PALM2AKAP2: variants seen among roughly 807,000 people sequenced by gnomAD.
PALM2AKAP2 encodes PALM2 and AKAP2 fusion.
Under a neutral mutation model 71.5 loss-of-function variants are expected in PALM2AKAP2, and 37 were observed. That is an observed-to-expected ratio of 0.52 (90% confidence interval 0.40 to 0.68). The LOEUF (loss-of-function observed/expected upper bound fraction) is 0.68. Among genes scored for constraint, PALM2AKAP2 ranks in the 30% least tolerant of loss-of-function variants. The pLI, the probability that PALM2AKAP2 is intolerant of heterozygous loss-of-function variation, is 0.00. For missense variants in PALM2AKAP2, 1,224 were observed against 1,191.8 expected (o/e 1.03, Z -0.40); for synonymous variants, 468 against 478.8 (o/e 0.98, Z 0.29).
chr9:110,035,857 TTG>T lies in PALM2AKAP2; in HGVS notation c.582+19824_582+19825del, dbSNP rs571682281. Among the ~76,000 whole-genome samples the T allele has an allele frequency of 3.1e-3, 430 of 139,530 alleles. 4 individuals carry two copies. Among genetic ancestry groups the T allele is most frequent in the African/African-American group, 0.01 (408 of 39,610 alleles). The allele number at this position is 139,530 out of a possible 152,430, so 91.5% of individuals were successfully genotyped here. A position where few individuals can be genotyped will look rare whatever the true frequency, so the allele number is the denominator to read the frequency against. ...TGTTATATATAATATATATGATATG[TTG>T]TGTGTTATATATAACATATATGATA... On this transcript the variant is annotated intron_variant, in intron 7 of 9. Transcript: ENST00000302798.
chr9:109,664,051 C>T (rs1286471942), intron 1 of PALM2AKAP2, among the ~76,000 whole-genome samples: 1 of 152,136 alleles, frequency 6.6e-6, no homozygotes, highest in Non-Finnish European at 1.5e-5. Context: ...GTAGATCTTC[C>T]TCCATCCGTT....
chr9:110,013,200 C>G (rs538540249), intron 6 of PALM2AKAP2, among the ~76,000 whole-genome samples: 7 of 152,186 alleles, frequency 4.6e-5, no homozygotes, highest in Non-Finnish European at 1.0e-4. Flanking sequence ...CAAGCCTCAC[C>G]TCTTAAGCCC....
intron 1 of PALM2AKAP2, among the ~76,000 whole-genome samples, chr9:109,819,066 T>A (rs1827922061): frequency 6.6e-6 from 1 of 152,202 alleles, no homozygotes; most frequent in Non-Finnish European, 1.5e-5. Context: ...GCTTTAGAAG[T>A]GAGAGGCGAA....
At chr9:109,924,370 G>A (rs1470445442) in intron 4 of PALM2AKAP2, among the ~76,000 whole-genome samples, 2 of 152,130 alleles carry the variant, frequency 1.3e-5, no homozygotes, top group Admixed American at 6.5e-5. Context: ...AGGCCGGGGC[G>A]GGTGGATCAC....
chr9:109,901,961 T>G (rs1217532924), intron 3 of PALM2AKAP2, among the ~76,000 whole-genome samples: 2 of 152,220 alleles, frequency 1.3e-5, no homozygotes, highest in East Asian at 3.8e-4. Context: ...CTGCATCCGC[T>G]GTCTCCTTTT....
intron 6 of PALM2AKAP2, among the ~76,000 whole-genome samples, chr9:110,012,257 C>T (rs1219191975): frequency 6.6e-6 from 1 of 152,042 alleles, no homozygotes; most frequent in Non-Finnish European, 1.5e-5. Context: ...AGTGCCACTG[C>T]ACTCCAGCCT....
chr9:109,752,080 C>G (rs1349509744), intron 1 of PALM2AKAP2, among the ~76,000 whole-genome samples: 2 of 152,050 alleles, frequency 1.3e-5, no homozygotes, highest in Non-Finnish European at 2.9e-5. Flanking sequence ...TGAGCACCTA[C>G]TATGTATTGC....
At chr9:109,965,324 G>A (rs1183072729) in intron 6 of PALM2AKAP2, among the ~76,000 whole-genome samples, 3 of 152,104 alleles carry the variant, frequency 2.0e-5, no homozygotes, top group East Asian at 1.9e-4. Flanking sequence ...GCCAAAAGAC[G>A]GAAAAAACCC....
chr9:109,712,829 A>G (rs886972111), intron 1 of PALM2AKAP2, among the ~76,000 whole-genome samples: 6 of 152,336 alleles, frequency 3.9e-5, no homozygotes, highest in African/African-American at 1.4e-4. Context: ...AAAGCTCACT[A>G]CTTCCCCAAG....
chr9:110,058,280 T>G (rs1286129326), intron 1 of PALM2AKAP2, among the ~76,000 whole-genome samples: 1 of 152,100 alleles, frequency 6.6e-6, no homozygotes, highest in Non-Finnish European at 1.5e-5. Flanking sequence ...AAAAAGAGCT[T>G]AAACTGAAGC....
At chr9:109,709,983 A>G (rs1054661461) in intron 1 of PALM2AKAP2, among the ~76,000 whole-genome samples, 1 of 152,202 alleles carries the variant, frequency 6.6e-6, no homozygotes, top group African/African-American at 2.4e-5. Context: ...TGGGCCCTAA[A>G]TCCAATGACA....
chr9:109,686,814 C>T (rs533499530), intron 1 of PALM2AKAP2, among the ~76,000 whole-genome samples: 17 of 151,252 alleles, frequency 1.1e-4, no homozygotes, highest in Non-Finnish European at 2.4e-4. Context: ...TCTCCTAGTG[C>T]TATCCCTCCC....
At chr9:110,068,655 C>T (rs1834139236) in intron 1 of PALM2AKAP2, among the ~76,000 whole-genome samples, 1 of 152,076 alleles carries the variant, frequency 6.6e-6, no homozygotes, top group Admixed American at 6.6e-5. Context: ...CCTCAGCCTC[C>T]CGAGTAGCTG....
chr9:109,980,240 T>C (rs1424426382), intron 6 of PALM2AKAP2, among the ~76,000 whole-genome samples: 4 of 152,186 alleles, frequency 2.6e-5, no homozygotes, highest in Admixed American at 2.0e-4. Flanking sequence ...TCAGTGTCCC[T>C]GGATAAAGTC....
intron 7 of PALM2AKAP2, among the ~76,000 whole-genome samples, chr9:110,039,653 C>G (rs1298956587): frequency 6.6e-6 from 1 of 151,998 alleles, no homozygotes; most frequent in African/African-American, 2.4e-5. Flanking sequence ...TATGCCTTCA[C>G]CCATCCCAAG....
chr9:109,942,899 T>C (rs1831410178), intron 6 of PALM2AKAP2: 2 of 1,614,060 alleles, frequency 1.2e-6, no homozygotes, highest in African/African-American at 1.3e-5. Context: ...GAAGAGCTTA[T>C]TCAGAAGGCT....
intron 1 of PALM2AKAP2, among the ~76,000 whole-genome samples, chr9:109,790,319 A>G (rs1250539114): frequency 2.6e-5 from 4 of 151,934 alleles, no homozygotes. Context: ...TGGTTTACTT[A>G]CTATTCTAGG....
chr9:109,723,597 T>G (rs1309302291), intron 1 of PALM2AKAP2, among the ~76,000 whole-genome samples: 1 of 152,216 alleles, frequency 6.6e-6, no homozygotes, highest in Non-Finnish European at 1.5e-5. Context: ...ATACTGTCCT[T>G]GACATGAGTC....
At chr9:109,735,107 T>C (rs1455711789) in intron 1 of PALM2AKAP2, among the ~76,000 whole-genome samples, 1 of 151,432 alleles carries the variant, frequency 6.6e-6, no homozygotes, top group Non-Finnish European at 1.5e-5. Flanking sequence ...CTTAACTTTG[T>C]TATCCAAGCA....
Sources: gnomAD v4.1 joint callset for allele counts (sites outside exome capture counted in the v4.1 genomes callset) on GRCh38, gnomAD v4.1.1 for gene constraint, MANE v1.5 for transcripts, NCBI Gene and HGNC (gene_info 2026-07-23, HGNC 2026-07-21) for gene names.